Variants in BTN3A2 observed in about 807,000 individuals in gnomAD.
BTN3A2 encodes the protein butyrophilin protein.
In BTN3A2, 25 loss-of-function variants were observed where a neutral mutation model predicts 37.6. That is an observed-to-expected ratio of 0.66 (90% confidence interval 0.48 to 0.93). The LOEUF (loss-of-function observed/expected upper bound fraction) is 0.93. Ranked by LOEUF, BTN3A2 falls within the 40% of genes least tolerant of loss-of-function variation. The pLI is 0.00. For missense variants in BTN3A2, 266 were observed against 410.9 expected (o/e 0.65, Z 3.05); for synonymous variants, 122 against 159.4 (o/e 0.77, Z 1.77).
chr6:26,374,221 AAAAAAAAAAAAAAAAAAAAG>A, intron 8 of BTN3A2, 86 bp from the exon 9 acceptor site: 2 of 351,596 alleles, frequency 5.7e-6, no homozygotes, highest in South Asian at 5.2e-5. Context: ...AAAAAAAAAA[AAAAAAAAAAAAAAAAAAAAG>A]ACTAGATGGA....
At chr6:26,367,773 C>T (rs746908397) in intron 1 of BTN3A2, among the ~76,000 whole-genome samples, 8 of 152,188 alleles carry the variant, frequency 5.3e-5, no homozygotes, top group South Asian at 2.1e-4. Flanking sequence ...AAGAGTTTGA[C>T]GCTTGAGGAG....
At chr6:26,373,165 T>C in intron 6 of BTN3A2, 68 bp downstream of exon 6, 2 of 1,598,762 alleles carry the variant, frequency 1.3e-6, no homozygotes, top group Non-Finnish European at 1.7e-6. Flanking sequence ...CTCACCTCTC[T>C]CCCCTACCCT....
In BTN3A2 at chr6:26,374,814, C is replaced by T. The variant is rs986622318; in HGVS notation, c.*34+16C>T. On this transcript the variant is annotated intron_variant, in intron 10 of 10. Coordinates refer to ENST00000377708, the MANE Select transcript of BTN3A2 (RefSeq NM_007047.5). ...TTCAAGCCTGGTGAGTAAATCACTG[C>T]ATGTTCCCTGGACCAACAACCTGAG... 3 of 1,514,836 alleles carry T rather than the reference C, an allele frequency of 2.0e-6. No homozygotes were observed. Among genetic ancestry groups the T allele is most frequent in the Non-Finnish European group, 2.7e-6 (3 of 1,093,242 alleles). The allele number at this position is 1,514,836 out of a possible 1,614,324, so 93.8% of individuals were successfully genotyped here.
intron 1 of BTN3A2, among the ~76,000 whole-genome samples, chr6:26,367,277 C>A (rs1054009075): frequency 2.6e-5 from 4 of 152,178 alleles, no homozygotes; most frequent in African/African-American, 9.6e-5. Context: ...CAGTTGGTAA[C>A]CACTTTTATA....
chr6:26,374,139 T>C, intron 8 of BTN3A2, 188 bp from the exon 9 acceptor site: 2 of 513,682 alleles, frequency 3.9e-6, no homozygotes, highest in Non-Finnish European at 6.7e-6. Flanking sequence ...AGACTTGATA[T>C]TAAGAAGAGG....
chr6:26,373,499 G>A (rs1202393440), intron 8 of BTN3A2, 86 bp downstream of exon 8: 1 of 1,485,084 alleles, frequency 6.7e-7, no homozygotes. Context: ...TCATAGCCCA[G>A]GGTTGAAAAG....
Position 26,375,931 on chromosome 6 carries a change from G to A in BTN3A2, c.*169G>A, listed in dbSNP as rs1760674490. On this transcript the variant is annotated 3_prime_UTR_variant, in exon 11 of 11. Coordinates refer to ENST00000377708, the MANE Select transcript of BTN3A2 (RefSeq NM_007047.5). ...ATTGAAAATTAACCTCTGAGGGCCA[G>A]CACAGCAGCTCATGCCTGTAATCCT... The A allele has an allele frequency of 1.4e-6, 2 of 1,417,190 alleles. No individual in the cohort carries two copies. Among genetic ancestry groups the A allele is most frequent in the African/African-American group, 1.4e-5 (1 of 70,394 alleles). The allele number at this position is 1,417,190 out of a possible 1,614,324, so 87.8% of individuals were successfully genotyped here.
chr6:26,373,789 T>A, intron 8 of BTN3A2: 1 of 208,022 alleles, frequency 4.8e-6, no homozygotes, highest in East Asian at 1.1e-4. Context: ...AAAACAAGAA[T>A]GGAAGATTTA....
intron 9 of BTN3A2, 142 bp from the exon 10 acceptor site, chr6:26,374,629 C>G: frequency 3.0e-6 from 3 of 1,003,138 alleles, no homozygotes; most frequent in East Asian, 2.5e-5. Context: ...CACCTCTGAT[C>G]CATCAGAGCT....
rs1760763656 is a variant in BTN3A2 at position 26,377,185 on chromosome 6, G to A, written c.*1423G>A. On this transcript the variant is annotated 3_prime_UTR_variant, in exon 11 of 11. Coordinates refer to ENST00000377708, the MANE Select transcript of BTN3A2 (RefSeq NM_007047.5). ...ACCCCAGGCTTAGCTAATGAAAGTGGGGAGCCTCAGGCTGAAGTAACATCT... is the reference window on the plus strand; with the variant it reads ...ACCCCAGGCTTAGCTAATGAAAGTGAGGAGCCTCAGGCTGAAGTAACATCT... 8.2e-7 allele frequency: 1 copy of A among 1,223,082 alleles called. No individual in the cohort carries two copies. Among genetic ancestry groups the A allele is most frequent in the South Asian group, 1.2e-5 (1 of 83,142 alleles). 75.8% of individuals were successfully genotyped at this position (1,223,082 alleles called of 1,614,324 possible).
At chr6:26,370,255 G>A in intron 4 of BTN3A2, 67 bp from the exon 5 acceptor site, 1 of 1,528,244 alleles carries the variant, frequency 6.5e-7, no homozygotes, top group Non-Finnish European at 9.0e-7. Flanking sequence ...GCCTGACATT[G>A]ATTCCCATTG....
chr6:26,368,221 C>T lies in BTN3A2; in HGVS notation c.39C>T (p.Asn13=). ...MASSLAFLLL[N]FHVSLLLVQL... ...GTTCCCTGGCTTTCCTTCTGCTCAA[C>T]TTTCATGTCTCCCTCCTCTTGGTCC... Residue 13 remains asparagine, a synonymous_variant, in exon 3 of 11, where the codon AAC becomes AAT. Coordinates refer to ENST00000377708, the MANE Select transcript of BTN3A2 (RefSeq NM_007047.5). 3 of 1,614,252 alleles carry T rather than the reference C, an allele frequency of 1.9e-6. No homozygotes were observed. The highest frequency in any genetic ancestry group is 2.2e-5 in the East Asian group (1 of 44,890).
At position 26,365,252 on chromosome 6, in the gene BTN3A2, T is replaced by G. The variant is rs1761934572; in HGVS notation, c.-167T>G. On this transcript the variant is annotated 5_prime_UTR_variant, in exon 1 of 11. Coordinates refer to ENST00000377708, the MANE Select transcript of BTN3A2 (RefSeq NM_007047.5). ...CAATATTTGCTTTCTCTTTTTCCTT[T>G]CTTCCGGATGAGAGGCTAAGCCATA... The G allele has an allele frequency of 6.8e-7, 1 of 1,476,534 alleles. No individual in the cohort carries two copies. The highest frequency in any genetic ancestry group is 9.1e-7 in the Non-Finnish European group (1 of 1,094,592). The allele number at this position is 1,476,534 out of a possible 1,614,324, so 91.5% of individuals were successfully genotyped here.
At chr6:26,366,749 C>A (rs1250038680) in intron 1 of BTN3A2, among the ~76,000 whole-genome samples, 1 of 152,206 alleles carries the variant, frequency 6.6e-6, no homozygotes, top group Non-Finnish European at 1.5e-5. Flanking sequence ...CTCTCCCCAC[C>A]TCCATCTGCA....
At position 26,365,386 on chromosome 6, in the gene BTN3A2, C is replaced by T. The variant is rs114126613; in HGVS notation, c.-67+34C>T. The T allele has an allele frequency of 5.3e-3, 8,125 of 1,535,534 alleles. 64 individuals carry two copies. Among genetic ancestry groups the T allele is most frequent in the African/African-American group, 0.033 (2,376 of 73,034 alleles). On this transcript the variant is annotated intron_variant, in intron 1 of 10. Coordinates refer to ENST00000377708, the MANE Select transcript of BTN3A2 (RefSeq NM_007047.5). The stretch of plus-strand genomic sequence containing the variant: ...AGGAAATTGATTAGAGCCTGGGCTA[C>T]AACGCATGGGAGGAGCGGGGCTGAA...
At chr6:26,374,421 C>T in intron 9 of BTN3A2, 48 bp downstream of exon 9, 1 of 1,550,584 alleles carries the variant, frequency 6.4e-7, no homozygotes, top group Non-Finnish European at 8.9e-7. Flanking sequence ...TTTTTCTCCA[C>T]TGTGACCCGT....
rs749190080 is a variant in BTN3A2 at position 26,372,978 on chromosome 6, C to T, written c.797C>T (p.Ala266Val). 4 of 1,614,208 alleles carry T rather than the reference C, an allele frequency of 2.5e-6. No homozygotes were observed. The highest frequency in any genetic ancestry group is 4.5e-5 in the East Asian group (2 of 44,882). Residue 266 changes from alanine (A) to valine (V), a missense_variant, in exon 6 of 11, where the codon GCC becomes GTC. Ala to Val is a moderately conservative substitution (Grantham distance 64). Around this residue, in one of 3 missense-constraint regions of BTN3A2, gnomAD observed 204 missense variants for 232.6 expected, o/e 0.88. Transcript: ENST00000377708. Reference protein sequence around the residue: ...LPILLLLLAGASYFLWRQQKE... With the variant: ...LPILLLLLAGVSYFLWRQQKE... ...ATCTTGCTGCTGCTTCTCGCCGGAG[C>T]CAGTTACTTCTTGTGGAGACAACAG...
intron 10 of BTN3A2, chr6:26,375,054 C>A: frequency 2.6e-6 from 1 of 388,764 alleles, no homozygotes; most frequent in Non-Finnish European, 4.6e-6. Context: ...CCAGGCTTCT[C>A]ATGCCACCTA....
chr6:26,370,389 G>A lies in BTN3A2; in HGVS notation c.501G>A (p.Arg167=), dbSNP rs1759981540. The part of the protein sequence containing the change: ...YEDGGIHLEC[R]STGWYPQPQI... ...ATGGAGGGATCCATCTGGAGTGCAG[G>A]TCCACCGGCTGGTACCCCCAACCCC... The change falls in exon 5 of 11, where the codon AGG becomes AGA. Residue 167 remains arginine, a synonymous_variant. Transcript: ENST00000377708. The A allele has an allele frequency of 6.2e-7, 1 of 1,614,054 alleles. No homozygotes were observed. Among genetic ancestry groups the A allele is most frequent in the Non-Finnish European group, 8.5e-7 (1 of 1,180,036 alleles).
Sources: gnomAD v4.1 joint callset for allele counts (sites outside exome capture counted in the v4.1 genomes callset) on GRCh38, gnomAD v4.1.1 for gene constraint, gnomAD v4.1.1 regional missense constraint, MANE v1.5 for transcripts, NCBI Gene and HGNC (gene_info 2026-07-23, HGNC 2026-07-21) for gene names.